RIMS2: variants seen among roughly 807,000 people sequenced by gnomAD.
RIMS2 encodes regulating synaptic membrane exocytosis 2.
RIMS2 carries 59 observed loss-of-function variants against 174.4 expected under a neutral mutation model. The observed-to-expected ratio is 0.34, with a 90% confidence interval of 0.27 to 0.42. The LOEUF (loss-of-function observed/expected upper bound fraction) is 0.42, where lower values mean the gene tolerates loss of function less well. Ranked by LOEUF, RIMS2 falls within the 10% of genes least tolerant of loss-of-function variation. The pLI, the probability that RIMS2 is intolerant of heterozygous loss-of-function variation, is 1.00. For synonymous variants in RIMS2, 606 were observed against 572.5 expected, an observed-to-expected ratio of 1.06 and a Z score of -0.84; for missense variants, 1,620 against 1,666.3, an observed-to-expected ratio of 0.97 and a Z score of 0.48.
rs62527072 is a variant in RIMS2 at position 103,541,613 on chromosome 8, A to G, written c.176+40551A>G. On this transcript the variant is annotated intron_variant, in intron 1 of 23. Transcript: ENST00000504942. ...TAGTAACATGAACACATATTAAAGT[A>G]TAAAACTCACTGGTAAAAGTAAGTA... Among the ~76,000 whole-genome samples, 910 of 152,360 alleles carry G rather than the reference A, an allele frequency of 6.0e-3. 13 individuals are homozygous for G. Among genetic ancestry groups the G allele is most frequent in the Non-Finnish European group, 7.3e-3 (498 of 68,026 alleles).
chr8:103,884,607 C>A (rs2099188929), intron 3 of RIMS2, among the ~76,000 whole-genome samples: 1 of 151,808 alleles, frequency 6.6e-6, no homozygotes, highest in African/African-American at 2.4e-5. Context: ...TATCACCAAG[C>A]TGTTCTTAAT....
intron 19 of RIMS2, among the ~76,000 whole-genome samples, chr8:104,114,614 C>T (rs963384647): frequency 2.0e-5 from 3 of 151,732 alleles, no homozygotes; most frequent in African/African-American, 4.8e-5. Context: ...GAAATTTGTT[C>T]GTAAATGTTA....
chr8:103,895,218 T>A (rs1326088363), intron 4 of RIMS2, among the ~76,000 whole-genome samples: 1 of 151,266 alleles, frequency 6.6e-6, no homozygotes, highest in Non-Finnish European at 1.5e-5. Flanking sequence ...ATAGCTGCTT[T>A]AAAATCTTTG....
chr8:104,217,259 C>CTTGTTTTT (rs148398926), intron 19 of RIMS2, among the ~76,000 whole-genome samples: 2 of 145,850 alleles, frequency 1.4e-5, no homozygotes, highest in African/African-American at 5.2e-5. Flanking sequence ...CTGTGAATAT[C>CTTGTTTTT]TTGTTTTTTT....
At chr8:103,565,511 G>A (rs2092242596) in intron 1 of RIMS2, among the ~76,000 whole-genome samples, 1 of 151,754 alleles carries the variant, frequency 6.6e-6, no homozygotes, top group African/African-American at 2.4e-5. Context: ...TTGCCATTTT[G>A]CCCAGGCTGG....
chr8:104,040,778 A>G (rs2096595265), intron 19 of RIMS2, among the ~76,000 whole-genome samples: 1 of 151,744 alleles, frequency 6.6e-6, no homozygotes, highest in South Asian at 2.1e-4. Flanking sequence ...GAAATAATTC[A>G]ATTAAATATT....
At chr8:103,927,919 A>G (rs1241059837) in intron 11 of RIMS2, 1 of 1,589,982 alleles carries the variant, frequency 6.3e-7, no homozygotes, top group Admixed American at 1.7e-5. Context: ...GATAGAAACT[A>G]AAGTTGTGTT....
chr8:103,761,220 T>C lies in RIMS2; in HGVS notation c.388-5007T>C, dbSNP rs1418011314. ...AAGCACACAATTTGTTTTCATGAGT[T>C]AGTGAACAACACCGAAGCTCTTTCA... On this transcript the variant is annotated intron_variant, in intron 2 of 23. Coordinates refer to ENST00000504942, the Ensembl canonical transcript of RIMS2. 3.9e-5 allele frequency among the ~76,000 whole-genome samples: 6 copies of C among 152,214 alleles called. No homozygotes were observed. In the East Asian group the frequency reaches 1.2e-3, roughly 29 times the overall value.
intron 1 of RIMS2, among the ~76,000 whole-genome samples, chr8:103,658,236 T>C (rs998448627): frequency 6.6e-6 from 1 of 152,218 alleles, no homozygotes; most frequent in African/African-American, 2.4e-5. Context: ...TGCACCAACC[T>C]AATATTAAGT....
intron 19 of RIMS2, among the ~76,000 whole-genome samples, chr8:104,118,453 A>G (rs62508073): frequency 0.31 from 45,219 of 147,994 alleles, 7,556 homozygotes; most frequent in African/African-American, 0.46. Context: ...TGCAGCCTCC[A>G]TCTCCCAGGT....
chr8:103,521,768 C>T (rs1831786988), intron 1 of RIMS2, among the ~76,000 whole-genome samples: 1 of 151,494 alleles, frequency 6.6e-6, no homozygotes, highest in African/African-American at 2.4e-5. Context: ...TAGCATTTCT[C>T]TGGAGATTTG....
intron 3 of RIMS2, among the ~76,000 whole-genome samples, chr8:103,839,152 T>C (rs780811761): frequency 2.6e-5 from 4 of 152,210 alleles, no homozygotes; most frequent in Non-Finnish European, 5.9e-5. Context: ...TACATATTCA[T>C]TGTGTTATTT....
intron 3 of RIMS2, among the ~76,000 whole-genome samples, chr8:103,783,671 G>T (rs1208754820): frequency 3.2e-4 from 48 of 151,924 alleles, no homozygotes; most frequent in East Asian, 1.9e-3. Flanking sequence ...CTATCATTGT[G>T]GGACATTTGG....
chr8:103,819,237 G>A (rs2098736184), intron 3 of RIMS2: 1 of 1,260,908 alleles, frequency 7.9e-7, no homozygotes, highest in African/African-American at 1.5e-5. Flanking sequence ...AGCTGGGAAT[G>A]CCCAAAAAGC....
exon 15 of RIMS2, chr8:103,961,123 T>C: frequency 1.4e-6 from 2 of 1,425,836 alleles, no homozygotes; most frequent in South Asian, 1.2e-5. Flanking sequence ...ATGGAATTGG[T>C]GTAGTATCAG....
chr8:103,967,207 G>A (rs1402223860), intron 15 of RIMS2, among the ~76,000 whole-genome samples: 1 of 68,486 alleles, frequency 1.5e-5, no homozygotes, highest in Non-Finnish European at 2.4e-5. Flanking sequence ...TTTTGAGATA[G>A]AGTTTCACTC....
At chr8:104,069,447 GTATT>G (rs772247716) in intron 19 of RIMS2, among the ~76,000 whole-genome samples, 6 of 145,446 alleles carry the variant, frequency 4.1e-5, no homozygotes, top group Non-Finnish European at 9.1e-5. Context: ...AGGAAATAAA[GTATT>G]AATTAATTGT....
intron 3 of RIMS2, among the ~76,000 whole-genome samples, chr8:103,845,654 T>G (rs1380872281): frequency 6.6e-6 from 1 of 152,046 alleles, no homozygotes; most frequent in African/African-American, 2.4e-5. Flanking sequence ...TGGATACATG[T>G]CAAATATGCT....
chr8:103,614,141 C>A (rs1362965586), intron 1 of RIMS2, among the ~76,000 whole-genome samples: 1 of 152,228 alleles, frequency 6.6e-6, no homozygotes, highest in Non-Finnish European at 1.5e-5. Flanking sequence ...CCTAGACTGT[C>A]TTTTCAGCTT....
Sources: gnomAD v4.1 joint callset for allele counts (sites outside exome capture counted in the v4.1 genomes callset) on GRCh38, gnomAD v4.1.1 for gene constraint, MANE v1.5 for transcripts, NCBI Gene and HGNC (gene_info 2026-07-23, HGNC 2026-07-21) for gene names.